Variants in RYR2 observed in about 807,000 individuals in gnomAD.
RYR2 encodes the protein ryanodine receptor 2.
Under a neutral mutation model 601.1 loss-of-function variants are expected in RYR2, and 227 were observed. The observed-to-expected ratio is 0.38, with a 90% CI of 0.34 to 0.42. The LOEUF (loss-of-function observed/expected upper bound fraction) is 0.42. Ranked by LOEUF, RYR2 falls within the 10% of genes least tolerant of loss-of-function variation. The pLI is 1.00. For synonymous variants in RYR2, 2,223 were observed against 2,175.1 expected, an observed-to-expected ratio of 1.02 and a Z score of -0.61; for missense variants, 4,646 against 6,156.5, an observed-to-expected ratio of 0.75 and a Z score of 8.21.
At chr1:237,048,832 G>T (rs1407339314) in intron 1 of RYR2, among the ~76,000 whole-genome samples, 1 of 152,116 alleles carries the variant, frequency 6.6e-6, no homozygotes, top group East Asian at 1.9e-4. Context: ...AAATCTTGTG[G>T]CAAGGAGAAG....
At position 237,614,676 on chromosome 1, in the gene RYR2, G is replaced by A; in HGVS notation, c.5548G>A (p.Val1850Met). 6.2e-7 allele frequency: 1 copy of A among 1,614,012 alleles called. No homozygotes were observed. The highest frequency in any genetic ancestry group is 8.5e-7 in the Non-Finnish European group (1 of 1,179,890). The change falls in exon 37 of 105, where the codon GTG (valine) becomes ATG (methionine). Residue 1850 changes from valine (V) to methionine (M), a missense_variant. By Grantham distance (21) the Val-to-Met change is conservative. Transcript: ENST00000366574. This position sits in a 1 kb window ranked among gnomAD's most constrained non-coding sequence, Gnocchi z 4.3. ...KHILQLIEPS[V>M]FKEAATPEEE... ...CATCTTGCAGTTGATTGAGCCCAGT[G>A]TGTTTAAAGAAGCTGCCACTCCGGA...
At chr1:237,469,258 C>CAAAAA (rs66912945) in intron 17 of RYR2, 71 bp downstream of exon 17, 131 of 112,102 alleles carry the variant, frequency 1.2e-3, no homozygotes, top group African/African-American at 1.5e-3. Flanking sequence ...TCCTTTAAGA[C>CAAAAA]AAAAAAAAAA....
At chr1:237,733,629 T>C in intron 78 of RYR2, 76 bp from the exon 79 acceptor site, 1 of 918,670 alleles carries the variant, frequency 1.1e-6, no homozygotes, top group Middle Eastern at 2.1e-4. Context: ...CAAAGGTTAT[T>C]TTAAGCAGCG....
chr1:237,762,658 G>T (rs1390555272), intron 84 of RYR2, among the ~76,000 whole-genome samples: 1 of 152,192 alleles, frequency 6.6e-6, no homozygotes, highest in Non-Finnish European at 1.5e-5. Flanking sequence ...AAGTCAGAAA[G>T]AACTTTGTGA....
chr1:237,095,758 G>C (rs1667445901), intron 1 of RYR2, among the ~76,000 whole-genome samples: 1 of 152,216 alleles, frequency 6.6e-6, no homozygotes, highest in Non-Finnish European at 1.5e-5. Context: ...AAGCAAGGTG[G>C]CATGTAGTGG....
At chr1:237,745,491 A>C (rs931359716) in intron 80 of RYR2, among the ~76,000 whole-genome samples, 1 of 152,220 alleles carries the variant, frequency 6.6e-6, no homozygotes, top group Non-Finnish European at 1.5e-5. Context: ...ATGGCAGAGA[A>C]GGTGTTGCTA....
At chr1:237,700,893 TG>T (rs1291079170) in intron 65 of RYR2, among the ~76,000 whole-genome samples, 1 of 152,246 alleles carries the variant, frequency 6.6e-6, no homozygotes, top group Admixed American at 6.5e-5. Context: ...AGACAAAGTC[TG>T]TGTCTAAATA....
chr1:237,754,691 G>A (rs1488853222), intron 80 of RYR2, among the ~76,000 whole-genome samples: 1 of 152,194 alleles, frequency 6.6e-6, no homozygotes, highest in Non-Finnish European at 1.5e-5. Context: ...GCAATGGGAG[G>A]AACATAAAAG....
rs1360220364 is a variant in RYR2 at position 237,118,543 on chromosome 1, G to GGTGGTCACCA, written c.48+75976_48+75985dup. Among the ~76,000 whole-genome samples the GGTGGTCACCA allele has an allele frequency of 7.2e-5, 11 of 152,104 alleles. No homozygotes were observed. The South Asian group carries it at 1.7e-3, about 23-fold the overall frequency. On this transcript the variant is annotated intron_variant, in intron 1 of 104. Transcript: ENST00000366574. ...AAGTGCACAGAGACAACGGTAGAAT[G>GGTGGTCACCA]GTGGTCACCAGGAGCTGCTGGGAGG...
chr1:237,586,689 G>A (rs760832065), intron 29 of RYR2, among the ~76,000 whole-genome samples: 4 of 152,042 alleles, frequency 2.6e-5, no homozygotes, highest in Non-Finnish European at 5.9e-5. Context: ...TGCTTAGATG[G>A]ATGGTACGCT....
At chr1:237,728,988 A>G (rs1450768951) in intron 76 of RYR2, among the ~76,000 whole-genome samples, 1 of 151,814 alleles carries the variant, frequency 6.6e-6, no homozygotes, top group African/African-American at 2.4e-5. Context: ...AATTCACATT[A>G]TCATTTCTTT....
intron 1 of RYR2, among the ~76,000 whole-genome samples, chr1:237,190,773 A>G (rs1679887877): frequency 6.6e-6 from 1 of 152,234 alleles, no homozygotes; most frequent in Admixed American, 6.5e-5. Flanking sequence ...GCATCCACTG[A>G]TTCTAGTATC....
intron 1 of RYR2, among the ~76,000 whole-genome samples, chr1:237,161,616 A>T (rs1037053858): frequency 1.3e-5 from 2 of 152,192 alleles, no homozygotes; most frequent in Non-Finnish European, 2.9e-5. Context: ...TTCCATGCAT[A>T]CTAGAAGACA....
At chr1:237,726,739 A>G (rs957704456) in intron 75 of RYR2, among the ~76,000 whole-genome samples, 2 of 152,236 alleles carry the variant, frequency 1.3e-5, no homozygotes, top group African/African-American at 4.8e-5. Context: ...ACCAAAGAAA[A>G]TTTTGAGAAG....
At chr1:237,207,047 G>C (rs76722871) in intron 1 of RYR2, among the ~76,000 whole-genome samples, 1 of 151,944 alleles carries the variant, frequency 6.6e-6, no homozygotes, top group East Asian at 1.9e-4. Flanking sequence ...GCTGGGTGCA[G>C]TGTTTCATGC....
Position 237,158,397 on chromosome 1 carries a change from A to G in RYR2, c.49-112100A>G, listed in dbSNP as rs1675631594. 3.9e-5 allele frequency among the ~76,000 whole-genome samples: 6 copies of G among 152,234 alleles called. No individual in the cohort carries two copies. In the South Asian group the frequency reaches 1.0e-3, roughly 26 times the overall value. ...GTCTGGAAGAAAGAGATTAGAGTTC[A>G]GATGCTCTTAAAAAATATCGTGTTC... On this transcript the variant is annotated intron_variant, in intron 1 of 104. Coordinates refer to ENST00000366574, the MANE Select transcript of RYR2 (RefSeq NM_001035.3).
At chr1:237,447,300 T>A (rs1657480617) in intron 14 of RYR2, among the ~76,000 whole-genome samples, 1 of 152,212 alleles carries the variant, frequency 6.6e-6, no homozygotes. Context: ...TTTTTTATGC[T>A]GGCTGAAATA....
intron 1 of RYR2, among the ~76,000 whole-genome samples, chr1:237,058,967 T>A (rs1274710622): frequency 1.3e-5 from 2 of 151,686 alleles, no homozygotes; most frequent in East Asian, 3.9e-4. Flanking sequence ...TCTGCAGAAA[T>A]TTTTTTTTGA....
intron 5 of RYR2, among the ~76,000 whole-genome samples, chr1:237,369,129 A>C (rs1700441134): frequency 6.6e-6 from 1 of 152,046 alleles, no homozygotes; most frequent in Non-Finnish European, 1.5e-5. Context: ...GGCCTGAATC[A>C]ACATTTATTT....
Sources: allele counts gnomAD v4.1 joint callset (sites outside exome capture counted in the v4.1 genomes callset), GRCh38; gene constraint gnomAD v4.1.1; non-coding constraint Gnocchi (gnomAD v3.1); transcripts MANE v1.5; gene names NCBI Gene and HGNC (gene_info 2026-07-23, HGNC 2026-07-21).